MGAT4B: variants seen among roughly 807,000 people sequenced by gnomAD.
The protein encoded by MGAT4B is alpha-1,3-mannosyl-glycoprotein 4-beta-N-acetylglucosaminyltransferase B, also known as N-acetylglucosaminyltransferase IVb.
A neutral mutation model predicts 73.9 loss-of-function variants in MGAT4B; 38 were observed. The ratio of observed to expected loss-of-function variants is 0.51; its 90% CI spans 0.40 to 0.67. MGAT4B has a LOEUF of 0.67. MGAT4B is among the 30% of genes least tolerant of loss of function. The probability of loss-of-function intolerance (pLI) is 0.00; values close to 1 mark genes in which losing one functional copy is unlikely to be tolerated. For missense variants in MGAT4B, 686 were observed against 735.2 expected (o/e 0.93, Z 0.77); for synonymous variants, 373 against 313.5 (o/e 1.19, Z -2.01).
chr5:179,798,055 T>C lies in MGAT4B; in HGVS notation c.1637A>G (p.Lys546Arg). Residue 546 changes from lysine to arginine, a missense_variant, in exon 15 of 15, where the codon AAG becomes AGG. By Grantham distance (26) the Lys-to-Arg change is conservative. Around this residue, in one of 2 missense-constraint regions of MGAT4B, gnomAD observed 449 missense variants for 536.8 expected, o/e 0.84. Coordinates refer to ENST00000292591, the MANE Select transcript of MGAT4B (RefSeq NM_014275.5). ...WVILSEIFLKKAD is the reference protein window; with the variant it reads ...WVILSEIFLKRAD Reference sequence around the variant, plus strand: ...TCAGAAGCCCGCAGCTTAGTCGGCCTTTTTCAGGAAGATCTGGAAGAGCCG... The same window carrying C: ...TCAGAAGCCCGCAGCTTAGTCGGCCCTTTTCAGGAAGATCTGGAAGAGCCG... 1 of 1,608,648 alleles carries C rather than the reference T, an allele frequency of 6.2e-7. No homozygotes were observed. The highest frequency in any genetic ancestry group is 8.5e-7 in the Non-Finnish European group (1 of 1,178,118).
rs770353376 is a variant in MGAT4B, at chr5:179,799,586, T to A, written c.961A>T (p.Met321Leu). The change falls in exon 9 of 15, where the codon ATG (methionine) becomes TTG (leucine). Residue 321 changes from methionine (M) to leucine (L), a missense_variant. Physicochemically the swap from Met to Leu is conservative, Grantham distance 15 (BLOSUM62 2). Transcript: ENST00000292591. The part of the protein sequence containing the change: ...DLSLIVEFIL[M>L]FYRDKPIDWL... Reference sequence around the variant, plus strand: ...TCGATGGGCTTGTCCCGGTAGAACATGAGAATGAACTCTACAATCAGGCTC... The same window carrying A: ...TCGATGGGCTTGTCCCGGTAGAACAAGAGAATGAACTCTACAATCAGGCTC... 5.6e-6 allele frequency: 9 copies of A among 1,613,796 alleles called. No individual in the cohort carries two copies. In the Admixed American group the frequency reaches 1.3e-4, roughly 24 times the overall value.
At position 179,799,099 on chromosome 5, in the gene MGAT4B, G is replaced by T; in HGVS notation, c.1172C>A (p.Ala391Glu). The T allele has an allele frequency of 6.2e-7, 1 of 1,613,938 alleles. No individual in the cohort carries two copies. The highest frequency in any genetic ancestry group is 1.1e-5 in the South Asian group (1 of 91,092). ...CGGGTTCACATGCTCCTTCCGCAGC[G>T]CCTGCTTTCCAAAGTCTTTGTCCTG... ...KLKDKDFGKQ[A>E]LRKEHVNPPA... Residue 391 changes from alanine to glutamate, a missense_variant, in exon 11 of 15, where the codon GCG becomes GAG. Around this residue, in one of 2 missense-constraint regions of MGAT4B, gnomAD observed 449 missense variants for 536.8 expected, o/e 0.84. Transcript: ENST00000292591.
chr5:179,799,748 C>T (rs1337559587), intron 8 of MGAT4B, 112 bp from the exon 9 acceptor site: 1 of 1,506,778 alleles, frequency 6.6e-7, no homozygotes, highest in East Asian at 2.3e-5. Flanking sequence ...CAGGTGTGGG[C>T]ATAACGGGGC....
At position 179,805,660 on chromosome 5, in the gene MGAT4B, A is replaced by T. The variant is rs1757117372; in HGVS notation, c.97+827T>A. Among the ~76,000 whole-genome samples, 4 of 152,312 alleles carry T rather than the reference A, an allele frequency of 2.6e-5. 1 individual carries two copies. Among genetic ancestry groups the T allele is most frequent in the African/African-American group, 9.6e-5 (4 of 41,576 alleles). On this transcript the variant is annotated intron_variant, in intron 1 of 14. Transcript: ENST00000292591. ...GGCGCTCCGGGACAGGGAAACAGGGAAGCAGGTGGCGGGGAGGCCGAGGGG... is the reference window on the plus strand; with the variant it reads ...GGCGCTCCGGGACAGGGAAACAGGGTAGCAGGTGGCGGGGAGGCCGAGGGG...
In MGAT4B at chr5:179,801,303, G is replaced by A; in HGVS notation, c.558+31C>T. 1 of 1,589,090 alleles carries A rather than the reference G, an allele frequency of 6.3e-7. No individual in the cohort carries two copies. The highest frequency in any genetic ancestry group is 8.6e-7 in the Non-Finnish European group (1 of 1,164,140). Reference sequence around the variant, plus strand: ...CTGCACCGCGGGGGCTCCTCTGAATGTCCCCCAACCCCGCGTCCCGGCTCA... The same window carrying A: ...CTGCACCGCGGGGGCTCCTCTGAATATCCCCCAACCCCGCGTCCCGGCTCA... On this transcript the variant is annotated intron_variant, in intron 4 of 14. Transcript: ENST00000292591. This position sits in a 1 kb window ranked among gnomAD's most constrained non-coding sequence, Gnocchi z 4.8.
intron 14 of MGAT4B, 45 bp from the exon 15 acceptor site, chr5:179,798,113 C>T: frequency 1.2e-6 from 2 of 1,601,616 alleles, no homozygotes; most frequent in South Asian, 2.2e-5. Flanking sequence ...TGAGCTCCGC[C>T]AGGGTCTCCC....
chr5:179,798,169 C>T lies in MGAT4B; in HGVS notation c.1619G>A (p.Ser540Asn). Reference protein sequence around the residue: ...QTDSPVWVILSEIFLKKAD With the variant: ...QTDSPVWVILNEIFLKKAD ...CCTGGCCCTGCCCAGCCTCACCTCG[C>T]TCAGAATCACCCACACAGGGGAGTC... The change falls in exon 14 of 15, where the codon AGC becomes AAC. Residue 540 changes from serine to asparagine, a missense_variant. Transcript: ENST00000292591. 6.3e-7 allele frequency: 1 copy of T among 1,594,090 alleles called. No individual in the cohort carries two copies. The highest frequency in any genetic ancestry group is 8.5e-7 in the Non-Finnish European group (1 of 1,169,778).
At chr5:179,804,398 TG>T in intron 1 of MGAT4B, among the ~76,000 whole-genome samples, 1 of 152,288 alleles carries the variant, frequency 6.6e-6, no homozygotes, top group East Asian at 1.9e-4. Flanking sequence ...GCCTGAAGGC[TG>T]GGAGCGCTGC....
Position 179,801,126 on chromosome 5 carries a change from C to T in MGAT4B, c.559-173G>A. 8.8e-7 allele frequency: 1 copy of T among 1,133,436 alleles called. No individual in the cohort carries two copies. 70.2% of individuals were successfully genotyped at this position (1,133,436 alleles called of 1,614,324 possible). A position where few individuals can be genotyped will look rare whatever the true frequency, so the allele number is the denominator to read the frequency against. ...GACGGCCCTTTCCCTTTGGGACTCG[C>T]ATGGCCAAGGACTAGGGGGTGGCGG... On this transcript the variant is annotated intron_variant, in intron 4 of 14. Coordinates refer to ENST00000292591, the MANE Select transcript of MGAT4B (RefSeq NM_014275.5). The surrounding 1 kb of genome is among the most constrained non-coding windows in gnomAD (Gnocchi z 4.8).
In MGAT4B at chr5:179,800,317, G is replaced by A. The variant is rs569668963; in HGVS notation, c.720-58C>T. 5.2e-5 allele frequency: 82 copies of A among 1,588,152 alleles called. No individual in the cohort carries two copies. The South Asian group carries it at 6.8e-4, about 13-fold the overall frequency. The stretch of plus-strand genomic sequence containing the variant: ...ACCCCTCCACCTCCATTGTGGCTCC[G>A]CAGAGAAGCCGCTGGGTGGGCAGCT... On this transcript the variant is annotated intron_variant, in intron 6 of 14. Coordinates refer to ENST00000292591, the MANE Select transcript of MGAT4B (RefSeq NM_014275.5).
chr5:179,797,899 C>T lies in MGAT4B; in HGVS notation c.*146G>A, dbSNP rs1179087686. 12 of 1,180,786 alleles carry T rather than the reference C, an allele frequency of 1.0e-5. No homozygotes were observed. Among genetic ancestry groups the T allele is most frequent in the Admixed American group, 2.4e-5 (1 of 41,352 alleles). 73.1% of individuals were successfully genotyped at this position (1,180,786 alleles called of 1,614,324 possible). ...CCAGCTCCTAGGGCCTCCGGGCCAG[C>T]GGCGGACCCCAGGCCGGCCCAAGCC... On this transcript the variant is annotated 3_prime_UTR_variant, in exon 15 of 15. Coordinates refer to ENST00000292591, the MANE Select transcript of MGAT4B (RefSeq NM_014275.5).
chr5:179,798,116 G>T (rs1756730308), intron 14 of MGAT4B, 48 bp from the exon 15 acceptor site: 1 of 1,599,936 alleles, frequency 6.3e-7, no homozygotes, highest in African/African-American at 1.3e-5. Flanking sequence ...GCTCCGCCAG[G>T]GTCTCCCTGG....
rs1447828746 is a variant in MGAT4B at position 179,802,068 on chromosome 5, A to C, written c.98-99T>G. ...CACACATCTGGGTGTCCACCTCTGCAATAGCTCATTGACATCTGTTCTTGT... is the reference window on the plus strand; with the variant it reads ...CACACATCTGGGTGTCCACCTCTGCCATAGCTCATTGACATCTGTTCTTGT... On this transcript the variant is annotated intron_variant, in intron 1 of 14. Transcript: ENST00000292591. 2 of 1,596,230 alleles carry C rather than the reference A, an allele frequency of 1.3e-6. No homozygotes were observed. The highest frequency in any genetic ancestry group is 1.7e-6 in the Non-Finnish European group (2 of 1,168,662).
At position 179,797,888 on chromosome 5, in the gene MGAT4B, C is replaced by A. The variant is rs1756717202; in HGVS notation, c.*157G>T. 2 of 1,091,640 alleles carry A rather than the reference C, an allele frequency of 1.8e-6. No individual in the cohort carries two copies. The highest frequency in any genetic ancestry group is 3.1e-5 in the South Asian group (2 of 65,282). The allele number at this position is 1,091,640 out of a possible 1,614,324, so 67.6% of individuals were successfully genotyped here. A position where few individuals can be genotyped will look rare whatever the true frequency, so the allele number is the denominator to read the frequency against. ...CGGGGGCAGCACCAGCTCCTAGGGCCTCCGGGCCAGCGGCGGACCCCAGGC... is the reference window on the plus strand; with the variant it reads ...CGGGGGCAGCACCAGCTCCTAGGGCATCCGGGCCAGCGGCGGACCCCAGGC... On this transcript the variant is annotated 3_prime_UTR_variant, in exon 15 of 15. Transcript: ENST00000292591.
chr5:179,799,930 C>G, intron 8 of MGAT4B, 24 bp downstream of exon 8: 1 of 1,588,342 alleles, frequency 6.3e-7, no homozygotes, highest in Non-Finnish European at 8.6e-7. Context: ...TGAAAGGCAC[C>G]GTCAGGTAAG....
Position 179,801,291 on chromosome 5 carries a change from G to T in MGAT4B, c.558+43C>A. 2 of 1,576,276 alleles carry T rather than the reference G, an allele frequency of 1.3e-6. No individual in the cohort carries two copies. On this transcript the variant is annotated intron_variant, in intron 4 of 14. Coordinates refer to ENST00000292591, the MANE Select transcript of MGAT4B (RefSeq NM_014275.5). The surrounding 1 kb of genome is among the most constrained non-coding windows in gnomAD (Gnocchi z 4.8). ...CTGCTGTCAGTTCTGCACCGCGGGG[G>T]CTCCTCTGAATGTCCCCCAACCCCG...
At chr5:179,805,435 C>A in intron 1 of MGAT4B, 1 of 152,714 alleles carries the variant, frequency 6.5e-6, no homozygotes, top group Non-Finnish European at 1.5e-5. Context: ...AGCCATCCCT[C>A]CCGTGTCAGG....
chr5:179,801,397 C>T lies in MGAT4B; in HGVS notation c.495G>A (p.Ser165=), dbSNP rs772686977. The T allele has an allele frequency of 9.9e-6, 16 of 1,612,742 alleles. No homozygotes were observed. Among genetic ancestry groups the T allele is most frequent in the Non-Finnish European group, 1.3e-5 (15 of 1,179,576 alleles). ...VHSYLTDTLH[S]LISELSPQEK... ...CCTGCGGGCTCAGCTCGGAGATGAG[C>T]GAGTGCAGAGTGTCAGTCAGGTACG... Residue 165 remains serine (S), a synonymous_variant, in exon 4 of 15, where the codon TCG becomes TCA. Coordinates refer to ENST00000292591, the MANE Select transcript of MGAT4B (RefSeq NM_014275.5). This position sits in a 1 kb window ranked among gnomAD's most constrained non-coding sequence, Gnocchi z 4.8.
At chr5:179,800,376 A>C (rs915453560) in intron 6 of MGAT4B, 108 bp downstream of exon 6, 1 of 1,455,748 alleles carries the variant, frequency 6.9e-7, no homozygotes, top group African/African-American at 1.4e-5. Context: ...GGGTCCTCCC[A>C]TGGAGAATTC....
Sources: gnomAD v4.1 joint callset for allele counts (sites outside exome capture counted in the v4.1 genomes callset) on GRCh38, gnomAD v4.1.1 for gene constraint, gnomAD v4.1.1 regional missense constraint, Gnocchi (gnomAD v3.1) non-coding constraint, MANE v1.5 for transcripts, NCBI Gene and HGNC (gene_info 2026-07-23, HGNC 2026-07-21) for gene names.